The following CAMSAP2 variants were observed in gnomAD, a reference collection of about 807,000 sequenced individuals.
The protein encoded by CAMSAP2 is calmodulin regulated spectrin associated protein family member 2, also known as calmodulin-regulated spectrin-associated protein 2.
CAMSAP2 carries 26 observed loss-of-function variants against 146.1 expected under a neutral mutation model. That is an observed-to-expected ratio of 0.18 (90% CI 0.13 to 0.25). CAMSAP2 has a LOEUF of 0.25. Ranked by LOEUF, CAMSAP2 falls within the 10% of genes least tolerant of loss-of-function variation. The pLI, the probability that CAMSAP2 is intolerant of heterozygous loss-of-function variation, is 1.00. For missense variants in CAMSAP2, 1,381 were observed against 1,759.3 expected (o/e 0.78, Z 3.85); for synonymous variants, 499 against 596.6 (o/e 0.84, Z 2.38).
At chr1:200,787,787 C>T (rs1245144006) in intron 2 of CAMSAP2, among the ~76,000 whole-genome samples, 3 of 152,174 alleles carry the variant, frequency 2.0e-5, no homozygotes, top group African/African-American at 7.2e-5. Flanking sequence ...GTTTTGTTGT[C>T]TCAAGAAATT....
Position 200,853,856 on chromosome 1 carries a change from G to A in CAMSAP2, c.3823+361G>A, listed in dbSNP as rs1044868340. ...TACAAGAAACATGTTGGTATAATAA[G>A]GAATGCAAGATCAAGAGTTCACAAG... is the stretch of plus-strand genomic sequence containing the variant. On this transcript the variant is annotated intron_variant, in intron 13 of 16. Coordinates refer to ENST00000358823, the MANE Select transcript of CAMSAP2 (RefSeq NM_203459.4). This position sits in a 1 kb window ranked among gnomAD's most constrained non-coding sequence, Gnocchi z 5.1. Among the ~76,000 whole-genome samples, 10 of 152,274 alleles carry A rather than the reference G, an allele frequency of 6.6e-5. No homozygotes were observed. Among genetic ancestry groups the A allele is most frequent in the East Asian group, 5.8e-4 (3 of 5,190 alleles).
rs755880588 is a variant in CAMSAP2 at position 200,857,972 on chromosome 1, C to T, written c.4350C>T (p.Ala1450=). The T allele has an allele frequency of 5.5e-5, 89 of 1,613,754 alleles. 1 individual carries two copies. In the South Asian group the frequency reaches 9.3e-4, roughly 17 times the overall value. The change falls in exon 17 of 17, where the codon GCC becomes GCT. Residue 1450 remains alanine (A), a synonymous_variant. Transcript: ENST00000358823. The surrounding 1 kb of genome is among the most constrained non-coding windows in gnomAD (Gnocchi z 4.7). ...FSHIPAKTLS[A]SVDAITIHSH... The stretch of plus-strand genomic sequence containing the variant: ...ACATACCCGCTAAAACTTTATCTGC[C>T]AGTGTTGATGCAATTACCATTCATA...
At position 200,853,504 on chromosome 1, in the gene CAMSAP2, G is replaced by A. The variant is rs1469145162; in HGVS notation, c.3823+9G>A. On this transcript the variant is annotated intron_variant, in intron 13 of 16. Coordinates refer to ENST00000358823, the MANE Select transcript of CAMSAP2 (RefSeq NM_203459.4). This position sits in a 1 kb window ranked among gnomAD's most constrained non-coding sequence, Gnocchi z 5.1. ...AATAAAGGGTCCTCCAGGTAACATA[G>A]CTTATTATGAAGAGTCTGTTCATAA... 6 of 1,587,898 alleles carry A rather than the reference G, an allele frequency of 3.8e-6. No homozygotes were observed. The South Asian group carries it at 5.5e-5, about 15-fold the overall frequency.
intron 2 of CAMSAP2, among the ~76,000 whole-genome samples, chr1:200,783,231 A>T (rs974662263): frequency 2.6e-5 from 4 of 152,182 alleles, no homozygotes; most frequent in African/African-American, 9.6e-5. Flanking sequence ...AATTGTAGAC[A>T]TTCTAGTGTA....
intron 13 of CAMSAP2, among the ~76,000 whole-genome samples, chr1:200,854,197 G>T (rs1392809099): frequency 6.6e-6 from 1 of 152,032 alleles, no homozygotes; most frequent in Non-Finnish European, 1.5e-5. Flanking sequence ...GTTCAGGCTG[G>T]TCTCGAACTC....
chr1:200,747,268 C>G (rs978463104), intron 1 of CAMSAP2, among the ~76,000 whole-genome samples: 12 of 152,052 alleles, frequency 7.9e-5, no homozygotes, highest in African/African-American at 2.9e-4. Context: ...AGCAAAGGAG[C>G]TAGGCATAGG....
chr1:200,793,488 T>C (rs1484213254), intron 2 of CAMSAP2, among the ~76,000 whole-genome samples: 1 of 152,142 alleles, frequency 6.6e-6, no homozygotes, highest in Non-Finnish European at 1.5e-5. Flanking sequence ...AGAAATACAA[T>C]TATTTTTCAC....
intron 2 of CAMSAP2, among the ~76,000 whole-genome samples, chr1:200,798,981 C>T (rs1198164344): frequency 6.6e-6 from 1 of 151,934 alleles, no homozygotes; most frequent in Non-Finnish European, 1.5e-5. Flanking sequence ...TATTGATTTG[C>T]GTATATTGAA....
In CAMSAP2 at chr1:200,849,056, G is replaced by A. The variant is rs761828977; in HGVS notation, c.2287G>A (p.Ala763Thr). 1 of 1,614,058 alleles carries A rather than the reference G, an allele frequency of 6.2e-7. No homozygotes were observed. Among genetic ancestry groups the A allele is most frequent in the Admixed American group, 1.7e-5 (1 of 60,006 alleles). ...LRMKLEEKRR[A>T]IEAQKKKMEA... ...GATGAAACTAGAAGAAAAGAGGCGT[G>A]CTATAGAAGCCCAGAAAAAGAAAAT... The change falls in exon 11 of 17, where the codon GCT becomes ACT. Residue 763 changes from alanine to threonine, a missense_variant. Ala to Thr is a moderately conservative substitution (Grantham distance 58). Around this residue, in one of 4 missense-constraint regions of CAMSAP2, gnomAD observed 560 missense variants for 715.9 expected, o/e 0.78. Coordinates refer to ENST00000358823, the MANE Select transcript of CAMSAP2 (RefSeq NM_203459.4). This position sits in a 1 kb window ranked among gnomAD's most constrained non-coding sequence, Gnocchi z 6.3.
chr1:200,847,747 T>C, intron 10 of CAMSAP2, 38 bp downstream of exon 10: 1 of 1,502,444 alleles, frequency 6.7e-7, no homozygotes, highest in Non-Finnish European at 9.1e-7. Flanking sequence ...ATTCAGATTA[T>C]TAAGAAATGC....
chr1:200,749,986 G>C (rs1375123031), intron 1 of CAMSAP2, among the ~76,000 whole-genome samples: 5 of 152,164 alleles, frequency 3.3e-5, no homozygotes, highest in African/African-American at 1.2e-4. Context: ...TTGTAGGCCA[G>C]AGGAAGGATT....
intron 4 of CAMSAP2, among the ~76,000 whole-genome samples, chr1:200,827,447 G>C (rs1282826649): frequency 6.6e-6 from 1 of 152,130 alleles, no homozygotes; most frequent in Non-Finnish European, 1.5e-5. Flanking sequence ...GTGGCTTCCT[G>C]CTCTTTGGTC....
At chr1:200,808,895 C>T (rs550599801) in intron 3 of CAMSAP2, among the ~76,000 whole-genome samples, 1 of 152,316 alleles carries the variant, frequency 6.6e-6, no homozygotes, top group South Asian at 2.1e-4. Context: ...CTCCCCTTCC[C>T]TCCCTGTTAC....
chr1:200,847,139 C>A, intron 8 of CAMSAP2, 71 bp from the exon 9 acceptor site: 1 of 1,123,714 alleles, frequency 8.9e-7, no homozygotes, highest in Non-Finnish European at 1.3e-6. Context: ...TTGTTTCTAA[C>A]TTAAGACATT....
intron 4 of CAMSAP2, among the ~76,000 whole-genome samples, chr1:200,831,158 A>C (rs547765477): frequency 1.3e-5 from 2 of 152,210 alleles, no homozygotes; most frequent in Admixed American, 1.3e-4. Context: ...TTTATGTTAT[A>C]TATTTTGCTA....
chr1:200,829,047 C>T (rs1193674450), intron 4 of CAMSAP2, among the ~76,000 whole-genome samples: 5 of 151,940 alleles, frequency 3.3e-5, no homozygotes, highest in Admixed American at 2.0e-4. Context: ...CCCAGCTACT[C>T]GGGAGGCTGA....
chr1:200,840,948 C>T (rs563651182), intron 6 of CAMSAP2, among the ~76,000 whole-genome samples: 2 of 152,240 alleles, frequency 1.3e-5, no homozygotes, highest in East Asian at 3.9e-4. Context: ...TTCATGCTTA[C>T]AGCTTTTATT....
At chr1:200,843,244 A>G (rs1266959656) in intron 7 of CAMSAP2, among the ~76,000 whole-genome samples, 1 of 152,180 alleles carries the variant, frequency 6.6e-6, no homozygotes, top group Non-Finnish European at 1.5e-5. Flanking sequence ...AAAAAATAAA[A>G]GAAGAGAAAG....
At chr1:200,823,605 T>C (rs1666829559) in intron 4 of CAMSAP2, among the ~76,000 whole-genome samples, 3 of 152,210 alleles carry the variant, frequency 2.0e-5, no homozygotes. Flanking sequence ...AGAGGTCATA[T>C]ATCATATCAT....
Sources: gnomAD v4.1 joint callset for allele counts (sites outside exome capture counted in the v4.1 genomes callset) on GRCh38, gnomAD v4.1.1 for gene constraint, gnomAD v4.1.1 regional missense constraint, Gnocchi (gnomAD v3.1) non-coding constraint, MANE v1.5 for transcripts, NCBI Gene and HGNC (gene_info 2026-07-23, HGNC 2026-07-21) for gene names.